The following PRDM1 variants were observed in gnomAD, a reference collection of about 807,000 sequenced individuals.
The protein encoded by PRDM1 is PR/SET domain 1.
In PRDM1, 13 loss-of-function variants were observed where a neutral mutation model predicts 62.8. The ratio of observed to expected loss-of-function variants is 0.21; its 90% CI spans 0.13 to 0.33. PRDM1 has a LOEUF of 0.33. PRDM1 is among the 10% of genes least tolerant of loss of function. PRDM1 has a pLI of 1.00. For synonymous variants in PRDM1, 396 were observed against 417.6 expected (o/e 0.95, Z 0.63); for missense variants, 895 against 1,058.8 (o/e 0.85, Z 2.15).
chr6:106,088,220 C>A lies in PRDM1; in HGVS notation c.62C>A (p.Ser21Tyr). ...GTTLAAPKCN[S>Y]STVRFQGLAE... ...TTCCAGGCTGCCCCCAAGTGTAACT[C>A]CAGCACTGTGAGGTTTCAGGGATTG... Residue 21 changes from serine (S) to tyrosine (Y), a missense_variant, in exon 2 of 7, where the codon TCC becomes TAC. Ser to Tyr is a moderately radical substitution (Grantham distance 144, BLOSUM62 -2). Around this residue, in one of 4 missense-constraint regions of PRDM1, gnomAD observed 213 missense variants for 283.9 expected, o/e 0.75. Transcript: ENST00000369096. 1 of 1,612,600 alleles carries A rather than the reference C, an allele frequency of 6.2e-7. No individual in the cohort carries two copies. The highest frequency in any genetic ancestry group is 8.5e-7 in the Non-Finnish European group (1 of 1,179,332).
chr6:106,001,902 C>A (rs1438191997), intron 1 of PRDM1, among the ~76,000 whole-genome samples: 2 of 152,072 alleles, frequency 1.3e-5, no homozygotes, highest in East Asian at 3.8e-4. Flanking sequence ...TCCACAATAA[C>A]TTTTTGTAGA....
In PRDM1 at chr6:106,105,351, C is replaced by T. The variant is rs748811716; in HGVS notation, c.1191C>T (p.His397=). The change falls in exon 5 of 7, where the codon CAC becomes CAT. Residue 397 remains histidine (H), a synonymous_variant. Coordinates refer to ENST00000369096, the MANE Select transcript of PRDM1 (RefSeq NM_001198.4). ...ACCCTGGCTACGCACCCCTGCCCCA[C>T]CTCCCGCCAGCTTTCATCCCCTCGT... ...GSYPGYAPLP[H]LPPAFIPSYN... 24 of 1,613,456 alleles carry T rather than the reference C, an allele frequency of 1.5e-5. No homozygotes were observed. The Admixed American group carries it at 3.5e-4, about 24-fold the overall frequency.
At chr6:106,092,202 A>G (rs1235776169) in intron 2 of PRDM1, among the ~76,000 whole-genome samples, 1 of 151,148 alleles carries the variant, frequency 6.6e-6, no homozygotes, top group East Asian at 1.9e-4. Context: ...AACTCAACCC[A>G]TCCTAAGCTG....
chr6:106,007,514 T>G (rs1772497837), intron 1 of PRDM1, among the ~76,000 whole-genome samples: 1 of 148,484 alleles, frequency 6.7e-6, no homozygotes, highest in African/African-American at 2.4e-5. Context: ...TGTGAAATTA[T>G]CTACTACTGC....
intron 1 of PRDM1, among the ~76,000 whole-genome samples, chr6:106,057,077 C>T (rs1194604490): frequency 6.6e-6 from 1 of 152,206 alleles, no homozygotes; most frequent in Non-Finnish European, 1.5e-5. Context: ...TAGAACTAGA[C>T]AAGGAAATTT....
chr6:106,105,565 T>C lies in PRDM1; in HGVS notation c.1405T>C (p.Ser469Pro). The change falls in exon 5 of 7, where the codon TCG (serine) becomes CCG (proline). Residue 469 changes from serine to proline, a missense_variant. Physicochemically the swap from Ser to Pro is moderately conservative, Grantham distance 74. Coordinates refer to ENST00000369096, the MANE Select transcript of PRDM1 (RefSeq NM_001198.4). The part of the protein sequence containing the change: ...PMLNPTSLPS[S>P]LPSDGARRLL... ...GCTCAACCCCACTTCTCTCCCGAGC[T>C]CGCTGCCCTCAGATGGAGCCCGGAG... is the stretch of plus-strand genomic sequence containing the variant. The C allele has an allele frequency of 1.2e-6, 2 of 1,612,770 alleles. No homozygotes were observed. The highest frequency in any genetic ancestry group is 1.1e-5 in the South Asian group (1 of 91,026).
intron 3 of PRDM1, 167 bp downstream of exon 3, chr6:106,095,901 C>T (rs1248877916): frequency 4.2e-6 from 3 of 709,192 alleles, no homozygotes; most frequent in African/African-American, 3.6e-5. Flanking sequence ...GTGATGAAAC[C>T]GATGAAATGT....
At chr6:106,025,310 T>C (rs1159943963) in intron 1 of PRDM1, among the ~76,000 whole-genome samples, 1 of 152,266 alleles carries the variant, frequency 6.6e-6, no homozygotes, top group Non-Finnish European at 1.5e-5. Context: ...GTTGGATTAG[T>C]TAACGTTTAT....
intron 1 of PRDM1, among the ~76,000 whole-genome samples, chr6:106,029,756 A>G (rs1772813998): frequency 6.6e-6 from 1 of 151,924 alleles, no homozygotes; most frequent in South Asian, 2.1e-4. Flanking sequence ...ACAAGCGTGC[A>G]CCACCATGCC....
chr6:106,106,877 C>T lies in PRDM1; in HGVS notation c.1903-34C>T. On this transcript the variant is annotated intron_variant, in intron 6 of 6. Coordinates refer to ENST00000369096, the MANE Select transcript of PRDM1 (RefSeq NM_001198.4). The surrounding 1 kb of genome is among the most constrained non-coding windows in gnomAD (Gnocchi z 4.4). ...TCTTAATCTTCTGGCCTTCCTGTCT[C>T]CCTTCCCTGCTGTCTCTCTCCCCTA... 1 of 1,570,118 alleles carries T rather than the reference C, an allele frequency of 6.4e-7. No individual in the cohort carries two copies. The highest frequency in any genetic ancestry group is 8.7e-7 in the Non-Finnish European group (1 of 1,150,942).
At chr6:106,042,711 T>C (rs1407036861) in intron 1 of PRDM1, among the ~76,000 whole-genome samples, 1 of 152,188 alleles carries the variant, frequency 6.6e-6, no homozygotes, top group Admixed American at 6.5e-5. Flanking sequence ...CCTCAACTTA[T>C]GCACTCACCC....
At chr6:106,074,467 T>G (rs1773569723) in intron 1 of PRDM1, among the ~76,000 whole-genome samples, 1 of 152,206 alleles carries the variant, frequency 6.6e-6, no homozygotes, top group Non-Finnish European at 1.5e-5. Context: ...CCAAGGGTTG[T>G]TTGTATTTGT....
chr6:106,021,734 C>T (rs1487591638), intron 1 of PRDM1, among the ~76,000 whole-genome samples: 1 of 152,190 alleles, frequency 6.6e-6, no homozygotes, highest in African/African-American at 2.4e-5. Flanking sequence ...GATTCTTCTG[C>T]CTCAGCCTCC....
intron 1 of PRDM1, among the ~76,000 whole-genome samples, chr6:106,007,586 A>G (rs1772498651): frequency 6.6e-6 from 1 of 152,178 alleles, no homozygotes; most frequent in Non-Finnish European, 1.5e-5. Context: ...TACATTCATA[A>G]CTAATATTCT....
At chr6:106,021,255 C>A (rs1772693441) in intron 1 of PRDM1, among the ~76,000 whole-genome samples, 1 of 152,126 alleles carries the variant, frequency 6.6e-6, no homozygotes, top group Non-Finnish European at 1.5e-5. Context: ...TTCTAGTTTC[C>A]TATGTTTGGG....
At chr6:106,043,312 G>A (rs763695827) in intron 1 of PRDM1, among the ~76,000 whole-genome samples, 25 of 151,904 alleles carry the variant, frequency 1.6e-4, no homozygotes, top group Non-Finnish European at 3.4e-4. Flanking sequence ...GTTTTCTCTC[G>A]CTTAATTATA....
intron 1 of PRDM1, among the ~76,000 whole-genome samples, chr6:106,062,367 C>T (rs537578024): frequency 6.6e-6 from 1 of 151,878 alleles, no homozygotes; most frequent in African/African-American, 2.4e-5. Flanking sequence ...ATGTGTAATC[C>T]CTTCATGAGG....
intron 1 of PRDM1, among the ~76,000 whole-genome samples, chr6:106,050,655 C>G (rs939991227): frequency 2.6e-5 from 4 of 152,208 alleles, no homozygotes; most frequent in African/African-American, 9.6e-5. Context: ...TCCCTCACCA[C>G]AGAAGGCTGT....
chr6:106,098,633 G>A lies in PRDM1; in HGVS notation c.412-667G>A, dbSNP rs1393525974. ...GAGGAAAAGTGACTTCTCAGTAATAGACTGTCAAATTCGGGCTGCTGCCCG... is the reference window on the plus strand; with the variant it reads ...GAGGAAAAGTGACTTCTCAGTAATAAACTGTCAAATTCGGGCTGCTGCCCG... On this transcript the variant is annotated intron_variant, in intron 3 of 6. Transcript: ENST00000369096. 10 of 1,329,234 alleles carry A rather than the reference G, an allele frequency of 7.5e-6. No individual in the cohort carries two copies. The South Asian group carries it at 1.2e-4, about 16-fold the overall frequency. The allele number at this position is 1,329,234 out of a possible 1,614,324, so 82.3% of individuals were successfully genotyped here.
Sources: gnomAD v4.1 joint callset for allele counts (sites outside exome capture counted in the v4.1 genomes callset) on GRCh38, gnomAD v4.1.1 for gene constraint, gnomAD v4.1.1 regional missense constraint, Gnocchi (gnomAD v3.1) non-coding constraint, MANE v1.5 for transcripts, NCBI Gene and HGNC (gene_info 2026-07-23, HGNC 2026-07-21) for gene names.